The following ATM variants were observed in gnomAD, a reference collection of about 807,000 sequenced individuals.
The protein encoded by ATM is ATM serine/threonine kinase.
ATM carries 308 observed loss-of-function variants against 387.0 expected under a neutral mutation model. The ratio of observed to expected loss-of-function variants is 0.80; its 90% CI spans 0.73 to 0.87. The LOEUF is 0.87. Ranked by LOEUF, ATM falls within the 40% of genes least tolerant of loss-of-function variation. The pLI, the probability that ATM is intolerant of heterozygous loss-of-function variation, is 0.00. For synonymous variants in ATM, 1,156 were observed against 1,187.3 expected (o/e 0.97, Z 0.54); for missense variants, 3,312 against 3,560.9 (o/e 0.93, Z 1.78).
intron 38 of ATM, chr11:108,308,736 C>A: frequency 2.6e-6 from 1 of 379,556 alleles, no homozygotes; most frequent in Non-Finnish European, 4.9e-6. Context: ...GTTTTTAAGC[C>A]TAAATGCATT....
intron 51 of ATM, 45 bp from the exon 52 acceptor site, chr11:108,331,833 TA>T (rs1274784099): frequency 7.5e-6 from 12 of 1,590,964 alleles, no homozygotes; most frequent in African/African-American, 5.4e-5. Flanking sequence ...ATATGGATTA[TA>T]TTTTTTTGTT....
intron 5 of ATM, among the ~76,000 whole-genome samples, chr11:108,243,458 C>T (rs1447912942): frequency 6.6e-6 from 1 of 152,050 alleles, no homozygotes; most frequent in African/African-American, 2.4e-5. Context: ...ACTAACAGTA[C>T]AAAAATTAGC....
Position 108,335,880 on chromosome 11 carries a change from A to G in ATM, c.8187A>G (p.Gln2729=), listed in dbSNP as rs587781946. 1 of 1,613,952 alleles carries G rather than the reference A, an allele frequency of 6.2e-7. No individual in the cohort carries two copies. The highest frequency in any genetic ancestry group is 1.1e-5 in the South Asian group (1 of 91,084). Residue 2729 remains glutamine, a synonymous_variant, in exon 56 of 63, where the codon CAA becomes CAG. Coordinates refer to ENST00000675843, the MANE Select transcript of ATM (RefSeq NM_000051.4). ...ACCTGAGACAAGATGCTGTCATGCA[A>G]CAGGTCTTCCAGATGTGTAATACAT... ...RDDLRQDAVM[Q]QVFQMCNTLL...
At chr11:108,280,858 A>G (rs900932949) in intron 23 of ATM, 137 bp from the exon 24 acceptor site, 2 of 729,026 alleles carry the variant, frequency 2.7e-6, no homozygotes, top group African/African-American at 1.8e-5. Flanking sequence ...ACCAAAAGAC[A>G]GAACTAGGAT....
intron 38 of ATM, 105 bp from the exon 39 acceptor site, chr11:108,310,055 A>G: frequency 1.6e-6 from 2 of 1,242,046 alleles, no homozygotes; most frequent in Non-Finnish European, 2.3e-6. Flanking sequence ...GGAATTTGTA[A>G]TTTTCTGTTA....
Position 108,271,296 on chromosome 11 carries a change from T to C in ATM, c.2967T>C (p.Thr989=), listed in dbSNP as rs144145128. ...LYRRDQDVCK[T]ILNHVLHVVK... ...GTCGTGACCAAGATGTTTGTAAAAC[T>C]ATTTTAAACCATGTCCTTCATGTAG... The change falls in exon 20 of 63, where the codon ACT becomes ACC. Residue 989 remains threonine (T), a synonymous_variant. Coordinates refer to ENST00000675843, the MANE Select transcript of ATM (RefSeq NM_000051.4). The C allele has an allele frequency of 9.3e-6, 15 of 1,613,872 alleles. No homozygotes were observed. In the African/African-American group the frequency reaches 2.0e-4, roughly 22 times the overall value.
chr11:108,244,752 T>G (rs749621242), intron 6 of ATM, 36 bp from the exon 7 acceptor site: 1 of 1,503,450 alleles, frequency 6.7e-7, no homozygotes, highest in South Asian at 1.1e-5. Flanking sequence ...TTGTTCCCCC[T>G]GTTATACCCA....
rs762744146 is a variant in ATM, at chr11:108,343,371, G to T, written c.8418G>T (p.Met2806Ile). The T allele has an allele frequency of 6.2e-7, 1 of 1,613,716 alleles. No individual in the cohort carries two copies. Among genetic ancestry groups the T allele is most frequent in the Non-Finnish European group, 8.5e-7 (1 of 1,179,800 alleles). The change falls in exon 57 of 63, where the codon ATG becomes ATT. Residue 2806 changes from methionine (M) to isoleucine (I), a missense_variant and splice_region_variant. By Grantham distance (10) the Met-to-Ile change is conservative. Around this residue, in one of 4 missense-constraint regions of ATM, gnomAD observed 1,405 missense variants for 1,604.4 expected, o/e 0.88. Coordinates refer to ENST00000675843, the MANE Select transcript of ATM (RefSeq NM_000051.4). ...CCTTTCAGTGCCAAAAGAAAATGAT[G>T]GTGAGTGACACCCAAAATTAAAGGT... is the stretch of plus-strand genomic sequence containing the variant. ...FSAFQCQKKMMEVQKKSFEEK... is the reference protein window; with the variant it reads ...FSAFQCQKKMIEVQKKSFEEK...
At chr11:108,255,936 A>G (rs759631648) in intron 13 of ATM, among the ~76,000 whole-genome samples, 8 of 151,786 alleles carry the variant, frequency 5.3e-5, no homozygotes, top group African/African-American at 1.5e-4. Context: ...CCCTACCTCA[A>G]ATATTTAAGG....
At position 108,247,078 on chromosome 11, in the gene ATM, T is replaced by C. The variant is rs2079887536; in HGVS notation, c.1016T>C (p.Ile339Thr). Residue 339 changes from isoleucine to threonine, a missense_variant, in exon 8 of 63, where the codon ATT becomes ACT. Ile to Thr is a moderately conservative substitution (Grantham distance 89). Coordinates refer to ENST00000675843, the MANE Select transcript of ATM (RefSeq NM_000051.4). The part of the protein sequence containing the change: ...RGKYSSGFRN[I>T]AVKENLIELM... Reference sequence around the variant, plus strand: ...AAGTATTCTTCAGGATTTCGTAATATTGCCGTCAAAGAAAATTTGATTGAA... The same window carrying C: ...AAGTATTCTTCAGGATTTCGTAATACTGCCGTCAAAGAAAATTTGATTGAA... 1 of 1,613,946 alleles carries C rather than the reference T, an allele frequency of 6.2e-7. No homozygotes were observed. Among genetic ancestry groups the C allele is most frequent in the Non-Finnish European group, 8.5e-7 (1 of 1,179,930 alleles).
intron 56 of ATM, among the ~76,000 whole-genome samples, chr11:108,342,628 T>C (rs2087726257): frequency 6.6e-6 from 1 of 152,204 alleles, no homozygotes; most frequent in African/African-American, 2.4e-5. Flanking sequence ...TTGATAAAGC[T>C]GTTTAATGGA....
intron 5 of ATM, chr11:108,236,041 C>CTTTTTTA: frequency 6.8e-6 from 4 of 584,976 alleles, no homozygotes; most frequent in South Asian, 4.0e-5. Context: ...ATATCAGGTG[C>CTTTTTTA]CTGATATCAG....
At chr11:108,301,175 G>A (rs1231432697) in intron 34 of ATM, among the ~76,000 whole-genome samples, 2 of 152,002 alleles carry the variant, frequency 1.3e-5, no homozygotes, top group African/African-American at 2.4e-5. Context: ...ATAGTAATTC[G>A]AAATTGGTTT....
intron 47 of ATM, among the ~76,000 whole-genome samples, 174 bp downstream of exon 47, chr11:108,326,399 T>C (rs1248888519): frequency 8.0e-5 from 12 of 150,192 alleles, no homozygotes; most frequent in African/African-American, 1.5e-4. Flanking sequence ...TTAGAAACTT[T>C]TTCCTATATA....
Position 108,229,379 on chromosome 11 carries a change from T to A in ATM, c.331+56T>A, listed in dbSNP as rs764823818. On this transcript the variant is annotated intron_variant, in intron 4 of 62. Transcript: ENST00000675843. ...GCTTAACAGATTACTGTCGCGTGAG[T>A]TTTTTTTTTTTTTCAGATCATTTTA... 9.6e-6 allele frequency: 10 copies of A among 1,041,588 alleles called. No homozygotes were observed. In the South Asian group the frequency reaches 9.8e-5, roughly 10 times the overall value. The allele number at this position is 1,041,588 out of a possible 1,614,324, so 64.5% of individuals were successfully genotyped here.
intron 59 of ATM, among the ~76,000 whole-genome samples, chr11:108,350,944 CAT>C (rs2089130003): frequency 6.6e-6 from 1 of 152,142 alleles, no homozygotes; most frequent in Admixed American, 6.5e-5. Context: ...AACACAAATG[CAT>C]ACATATGTAT....
intron 59 of ATM, among the ~76,000 whole-genome samples, chr11:108,349,480 T>G (rs1224378228): frequency 6.6e-6 from 1 of 152,094 alleles, no homozygotes; most frequent in Admixed American, 6.6e-5. Context: ...CTGGCCAACA[T>G]GGTGAAACCC....
chr11:108,223,606 T>C (rs1180469920), intron 1 of ATM: 1 of 152,216 alleles, frequency 6.6e-6, no homozygotes, highest in Non-Finnish European at 1.5e-5. Context: ...GTGTGGCCGC[T>C]CTCTACTGTC....
chr11:108,256,682 G>A (rs2080513286), intron 14 of ATM, among the ~76,000 whole-genome samples: 1 of 151,868 alleles, frequency 6.6e-6, no homozygotes, highest in Admixed American at 6.6e-5. Flanking sequence ...CCGACCCCCT[G>A]TCAGGCCCTG....
Sources: gnomAD v4.1 joint callset for allele counts (sites outside exome capture counted in the v4.1 genomes callset) on GRCh38, gnomAD v4.1.1 for gene constraint, gnomAD v4.1.1 regional missense constraint, MANE v1.5 for transcripts, NCBI Gene and HGNC (gene_info 2026-07-23, HGNC 2026-07-21) for gene names.